The following DIAPH2 variants were observed in gnomAD, a reference collection of about 807,000 sequenced individuals.
The protein encoded by DIAPH2 is diaphanous related formin 2, also known as protein diaphanous homolog 2.
Under a neutral mutation model 92.7 loss-of-function variants are expected in DIAPH2, and 35 were observed. The observed-to-expected ratio is 0.38, with a 90% confidence interval of 0.29 to 0.50. The LOEUF (loss-of-function observed/expected upper bound fraction) is 0.50. Among genes scored for constraint, DIAPH2 ranks in the 20% least tolerant of loss-of-function variants. The pLI, the probability that DIAPH2 is intolerant of heterozygous loss-of-function variation, is 0.94. For synonymous variants in DIAPH2, 301 were observed against 280.4 expected (o/e 1.07, Z -0.73); for missense variants, 701 against 819.5 (o/e 0.86, Z 1.77).
chrX:97,488,968 T>C (rs763762165), intron 26 of DIAPH2, among the ~76,000 whole-genome samples: 2 of 112,207 alleles, frequency 1.8e-5, no homozygotes, highest in Non-Finnish European at 3.8e-5. Context: ...TGGGTTTTTC[T>C]ATTTCTCTGA....
intron 17 of DIAPH2, among the ~76,000 whole-genome samples, chrX:97,067,786 T>C (rs1483162495): frequency 1.8e-5 from 2 of 111,996 alleles, no homozygotes; most frequent in Non-Finnish European, 3.8e-5. Flanking sequence ...ATAGCTGTAA[T>C]ACAATCACTG....
chrX:97,011,975 T>C (rs968648327), intron 17 of DIAPH2, among the ~76,000 whole-genome samples: 1 of 107,791 alleles, frequency 9.3e-6, no homozygotes, highest in Non-Finnish European at 1.9e-5. Context: ...GAGGGATTTA[T>C]ATATGCATGT....
intron 26 of DIAPH2, among the ~76,000 whole-genome samples, chrX:97,543,662 A>C (rs763101108): frequency 1.8e-5 from 2 of 109,462 alleles, no homozygotes; most frequent in Non-Finnish European, 3.8e-5. Flanking sequence ...GCACCACCAC[A>C]CCCGGCTAAT....
chrX:97,476,548 ACC>A (rs2070604959), intron 26 of DIAPH2, among the ~76,000 whole-genome samples: 11 of 111,861 alleles, frequency 9.8e-5, no homozygotes, highest in Non-Finnish European at 1.5e-4. Context: ...CTGAAATGTA[ACC>A]AATATTTAAG....
chrX:96,988,004 G>A (rs960240468), intron 17 of DIAPH2, among the ~76,000 whole-genome samples: 6 of 110,497 alleles, frequency 5.4e-5, no homozygotes, highest in African/African-American at 2.0e-4. Flanking sequence ...CAAGAAGTAT[G>A]TAGCAAACAG....
At chrX:96,710,518 T>A (rs2147534383) in intron 1 of DIAPH2, among the ~76,000 whole-genome samples, 1 of 111,639 alleles carries the variant, frequency 9.0e-6, no homozygotes, top group East Asian at 2.8e-4. Context: ...ATTCTATATT[T>A]GTGTTGATTG....
At chrX:96,948,867 T>A in intron 14 of DIAPH2, 68 bp from the exon 15 acceptor site, 7 of 612,706 alleles carry the variant, frequency 1.1e-5, no homozygotes, top group Non-Finnish European at 1.7e-5. Flanking sequence ...ACTTATTTAA[T>A]ACATAATGTT....
intron 23 of DIAPH2, among the ~76,000 whole-genome samples, chrX:97,292,424 C>G (rs944477545): frequency 1.4e-4 from 16 of 111,912 alleles, no homozygotes; most frequent in African/African-American, 4.2e-4. Context: ...GAAATTTGTA[C>G]TACCAGAAAG....
chrX:96,735,768 T>A lies in DIAPH2; in HGVS notation c.143T>A (p.Ile48Lys). 1 of 1,110,074 alleles carries A rather than the reference T, an allele frequency of 9.0e-7. No homozygotes were observed. The highest frequency in any genetic ancestry group is 2.1e-5 in the South Asian group (1 of 47,953). The allele number at this position is 1,110,074 out of a possible 1,213,427, so 91.5% of individuals were successfully genotyped here. A position where few individuals can be genotyped will look rare whatever the true frequency, so the allele number is the denominator to read the frequency against. Residue 48 changes from isoleucine (I) to lysine (K), a missense_variant, in exon 2 of 27, where the codon ATA (isoleucine) becomes AAA (lysine). This residue lies in a region of DIAPH2 where 131 missense variants were observed against 145.6 expected (regional missense o/e 0.90). Transcript: ENST00000324765. ...TKNKPKLNIQ[I>K]KTLADDVRDR... ...TTTTGGTTTTAATAGAACATTCAAA[T>A]AAAAACTTTGGCAGATGATGTGGTA... is the stretch of plus-strand genomic sequence containing the variant.
chrX:97,553,023 C>T (rs1175650915), intron 26 of DIAPH2, among the ~76,000 whole-genome samples: 1 of 111,704 alleles, frequency 9.0e-6, no homozygotes, highest in African/African-American at 3.3e-5. Context: ...CTTTAAAGGC[C>T]CTATCTGTAA....
chrX:97,136,473 A>G (rs2067170922), intron 21 of DIAPH2, among the ~76,000 whole-genome samples: 1 of 111,823 alleles, frequency 8.9e-6, no homozygotes, highest in African/African-American at 3.2e-5. Flanking sequence ...TTCTGATTAG[A>G]AATTTGAATT....
At chrX:96,851,670 C>A (rs999376127) in intron 4 of DIAPH2, among the ~76,000 whole-genome samples, 1 of 111,918 alleles carries the variant, frequency 8.9e-6, no homozygotes, top group African/African-American at 3.2e-5. Context: ...AGACAATCAT[C>A]CATTTGTTTA....
At chrX:97,268,006 T>C (rs1406931029) in intron 23 of DIAPH2, among the ~76,000 whole-genome samples, 2 of 112,117 alleles carry the variant, frequency 1.8e-5, no homozygotes, top group African/African-American at 3.2e-5. Context: ...TGAAAGGCAC[T>C]TGGGTGTCAT....
At chrX:96,888,302 G>A (rs745343605) in intron 5 of DIAPH2, among the ~76,000 whole-genome samples, 18 of 108,334 alleles carry the variant, frequency 1.7e-4, no homozygotes, top group Non-Finnish European at 3.2e-4. Context: ...CTCGTGATCC[G>A]CCTGCCTCGG....
chrX:96,906,189 A>G (rs2065433057), intron 5 of DIAPH2, among the ~76,000 whole-genome samples: 1 of 112,492 alleles, frequency 8.9e-6, no homozygotes, highest in Admixed American at 9.4e-5. Flanking sequence ...CTGGCCTCAA[A>G]CTCTTGGGCT....
intron 23 of DIAPH2, among the ~76,000 whole-genome samples, chrX:97,344,432 A>T (rs1272489216): frequency 8.9e-6 from 1 of 111,941 alleles, no homozygotes; most frequent in Non-Finnish European, 1.9e-5. Flanking sequence ...TAGATAATTT[A>T]AAATAAATAA....
intron 22 of DIAPH2, among the ~76,000 whole-genome samples, chrX:97,214,533 A>G (rs1487041112): frequency 1.8e-5 from 2 of 111,190 alleles, no homozygotes; most frequent in Non-Finnish European, 1.9e-5. Flanking sequence ...TTTCCTTTAA[A>G]AAAAAAATGG....
At chrX:96,701,058 ACTTT>A (rs2063852559) in intron 1 of DIAPH2, among the ~76,000 whole-genome samples, 1 of 111,701 alleles carries the variant, frequency 9.0e-6, no homozygotes, top group African/African-American at 3.3e-5. Context: ...AATCCTAAGT[ACTTT>A]CTTTCTAGTT....
rs776108649 is a variant in DIAPH2, at chrX:97,603,277, A to C, written c.*3960A>C. 9.1e-6 allele frequency: 1 copy of C among 110,483 alleles called. No homozygotes were observed. Among genetic ancestry groups the C allele is most frequent in the African/African-American group, 3.3e-5 (1 of 30,329 alleles). The allele number at this position is 110,483 out of a possible 1,213,427, so 9.1% of individuals were successfully genotyped here. A position where few individuals can be genotyped will look rare whatever the true frequency, so the allele number is the denominator to read the frequency against. ...AAAAAAATTTTTTTTAATGTATTAG[A>C]GATGAGGTCTCACTCTGTCACCCAG... On this transcript the variant is annotated 3_prime_UTR_variant, in exon 27 of 27. Transcript: ENST00000324765.
Sources: allele counts gnomAD v4.1 joint callset (sites outside exome capture counted in the v4.1 genomes callset), GRCh38; gene constraint gnomAD v4.1.1; regional missense constraint gnomAD v4.1.1; transcripts MANE v1.5; gene names NCBI Gene and HGNC (gene_info 2026-07-23, HGNC 2026-07-21).